The following PPP3R1 variants were observed in gnomAD, a reference collection of about 807,000 sequenced individuals.
PPP3R1 encodes the protein calcineurin subunit B type 1.
In PPP3R1, 5 loss-of-function variants were observed where a neutral mutation model predicts 22.6. The ratio of observed to expected loss-of-function variants is 0.22; its 90% confidence interval spans 0.12 to 0.46. The LOEUF (loss-of-function observed/expected upper bound fraction) is 0.46, where lower values mean the gene tolerates loss of function less well. Among genes scored for constraint, PPP3R1 ranks in the 20% least tolerant of loss-of-function variants. PPP3R1 has a pLI of 0.99. For synonymous variants in PPP3R1, 56 were observed against 65.2 expected (o/e 0.86, Z 0.68); for missense variants, 61 against 203.2 (o/e 0.30, Z 4.25).
rs938934327 is a variant in PPP3R1 at position 68,187,390 on chromosome 2, C to T, written c.221-76G>A. 24 of 1,241,166 alleles carry T rather than the reference C, an allele frequency of 1.9e-5. No individual in the cohort carries two copies. In the African/African-American group the frequency reaches 3.3e-4, roughly 17 times the overall value. 76.9% of individuals were successfully genotyped at this position (1,241,166 alleles called of 1,614,324 possible). A position where few individuals can be genotyped will look rare whatever the true frequency, so the allele number is the denominator to read the frequency against. Reference sequence around the variant, plus strand: ...CAAAAAACATATTTACCTTACATACCCACAAAAGGATATTTCCTTGCTGCA... The same window carrying T: ...CAAAAAACATATTTACCTTACATACTCACAAAAGGATATTTCCTTGCTGCA... On this transcript the variant is annotated intron_variant, in intron 3 of 5. Transcript: ENST00000234310.
At chr2:68,236,847 G>C (rs1234105000) in intron 1 of PPP3R1, among the ~76,000 whole-genome samples, 1 of 151,978 alleles carries the variant, frequency 6.6e-6, no homozygotes, top group Non-Finnish European at 1.5e-5. Flanking sequence ...TGAGACCTAA[G>C]GAAAAACCTC....
chr2:68,181,063 T>C, intron 5 of PPP3R1, 53 bp from the exon 6 acceptor site: 1 of 1,539,450 alleles, frequency 6.5e-7, no homozygotes, highest in Non-Finnish European at 9.0e-7. Context: ...AACTCCTCAT[T>C]CGTGGTCTAA....
rs376489610 is a variant in PPP3R1 at position 68,181,389 on chromosome 2, T to C, written c.466-379A>G. On this transcript the variant is annotated intron_variant, in intron 5 of 5. Transcript: ENST00000234310. The stretch of plus-strand genomic sequence containing the variant: ...GACTGGGCAACAGAGCGAGACTCCA[T>C]CTCAAAAAAAAAAAAAAAAAATTAC... Among the ~76,000 whole-genome samples the C allele has an allele frequency of 6.5e-5, 8 of 123,102 alleles. No individual in the cohort carries two copies. The East Asian group carries it at 1.1e-3, about 16-fold the overall frequency. The allele number at this position is 123,102 out of a possible 152,430, so 80.8% of individuals were successfully genotyped here. A position where few individuals can be genotyped will look rare whatever the true frequency, so the allele number is the denominator to read the frequency against.
intron 2 of PPP3R1, among the ~76,000 whole-genome samples, chr2:68,214,994 T>A (rs2103767944): frequency 6.6e-6 from 1 of 152,216 alleles, no homozygotes; most frequent in East Asian, 1.9e-4. Context: ...GCAACACGGA[T>A]GCAGCCGGAA....
At chr2:68,185,791 ACT>A (rs1485585420) in intron 5 of PPP3R1, among the ~76,000 whole-genome samples, 2 of 151,358 alleles carry the variant, frequency 1.3e-5, no homozygotes, top group East Asian at 3.9e-4. Flanking sequence ...AACCCATCTA[ACT>A]CTTCCAAAAA....
chr2:68,231,369 T>C lies in PPP3R1; in HGVS notation c.4-14238A>G, dbSNP rs76318797. Among the ~76,000 whole-genome samples the C allele has an allele frequency of 5.7e-3, 875 of 152,324 alleles. 15 individuals carry two copies. The highest frequency in any genetic ancestry group is 0.02 in the African/African-American group (846 of 41,586). ...TTCTTTGCTGAAGTTTTCTTTCTTT[T>C]TTTTTTCCTGTTTCATGTACGTCAG... On this transcript the variant is annotated intron_variant, in intron 1 of 5. Transcript: ENST00000234310.
At chr2:68,214,459 G>T (rs1222578275) in intron 2 of PPP3R1, among the ~76,000 whole-genome samples, 1 of 152,114 alleles carries the variant, frequency 6.6e-6, no homozygotes, top group Admixed American at 6.5e-5. Context: ...CCATTAAAAA[G>T]TGGGTAAAGG....
At chr2:68,251,016 A>C (rs1670337829) in intron 1 of PPP3R1, 1 of 152,272 alleles carries the variant, frequency 6.6e-6, no homozygotes, top group Non-Finnish European at 1.5e-5. Flanking sequence ...GTCTTCTGAC[A>C]ACTGTTCAAA....
At chr2:68,218,125 A>G (rs957279189) in intron 1 of PPP3R1, among the ~76,000 whole-genome samples, 3 of 152,178 alleles carry the variant, frequency 2.0e-5, no homozygotes, top group South Asian at 2.1e-4. Context: ...CCTATATTCT[A>G]TTTATCTAAC....
intron 1 of PPP3R1, among the ~76,000 whole-genome samples, chr2:68,245,996 C>A (rs1338064168): frequency 6.7e-6 from 1 of 150,262 alleles, no homozygotes; most frequent in Non-Finnish European, 1.5e-5. Flanking sequence ...ATAATCCTGT[C>A]TTTTCTCTTT....
intron 1 of PPP3R1, among the ~76,000 whole-genome samples, chr2:68,225,060 G>T (rs1392161677): frequency 6.6e-6 from 1 of 152,226 alleles, no homozygotes; most frequent in Non-Finnish European, 1.5e-5. Context: ...TGTAACTGAA[G>T]ATGTGGAATA....
chr2:68,188,505 C>A lies in PPP3R1; in HGVS notation c.220+9G>T. On this transcript the variant is annotated intron_variant, in intron 3 of 5. Coordinates refer to ENST00000234310, the MANE Select transcript of PPP3R1 (RefSeq NM_000945.4). ...AACTTGTGGTTATAAAAAATAACTA[C>A]TTTCTTACCTTTAAAGTCTACTTCT... 1 of 1,561,402 alleles carries A rather than the reference C, an allele frequency of 6.4e-7. No homozygotes were observed. Among genetic ancestry groups the A allele is most frequent in the Admixed American group, 1.9e-5 (1 of 52,476 alleles).
chr2:68,217,480 C>G (rs1359291337), intron 1 of PPP3R1, among the ~76,000 whole-genome samples: 1 of 152,084 alleles, frequency 6.6e-6, no homozygotes, highest in African/African-American at 2.4e-5. Context: ...GCTGGGTGAA[C>G]TGATTTTGCA....
intron 2 of PPP3R1, among the ~76,000 whole-genome samples, chr2:68,198,724 A>C: frequency 6.6e-6 from 1 of 152,128 alleles, no homozygotes; most frequent in African/African-American, 2.4e-5. Context: ...AATCTTGTTA[A>C]GAATTTGATT....
At chr2:68,198,393 GTA>G (rs200437946) in intron 2 of PPP3R1, among the ~76,000 whole-genome samples, 1,257 of 77,918 alleles carry the variant, frequency 0.016, 40 homozygotes, top group Non-Finnish European at 0.018. Context: ...GCATATATAT[GTA>G]TATATATGTG....
chr2:68,191,736 A>T (rs10191352), intron 2 of PPP3R1, among the ~76,000 whole-genome samples: 113,357 of 152,114 alleles, frequency 0.75, 43,297 homozygotes, highest in African/African-American at 0.93. Flanking sequence ...GATAAAAAAG[A>T]TCATATAAGC....
intron 1 of PPP3R1, among the ~76,000 whole-genome samples, chr2:68,251,890 A>G (rs1450559413): frequency 1.1e-5 from 1 of 93,170 alleles, no homozygotes. Context: ...CGAGCAGCAG[A>G]GGGGCGCCCC....
chr2:68,235,651 T>C (rs1463206801), intron 1 of PPP3R1, among the ~76,000 whole-genome samples: 1 of 152,224 alleles, frequency 6.6e-6, no homozygotes, highest in Non-Finnish European at 1.5e-5. Flanking sequence ...TGAATAATGT[T>C]ATTATGAACA....
At position 68,182,079 on chromosome 2, in the gene PPP3R1, C is replaced by G. The variant is rs1473258520; in HGVS notation, c.466-1069G>C. On this transcript the variant is annotated intron_variant, in intron 5 of 5. Coordinates refer to ENST00000234310, the MANE Select transcript of PPP3R1 (RefSeq NM_000945.4). ...ACATCTCCCCTCCTCCAACCCCCCC[C>G]TCCCCCCACCACACACACACGACCA... Among the ~76,000 whole-genome samples, 3 of 37,534 alleles carry G rather than the reference C, an allele frequency of 8.0e-5. 1 individual carries two copies. The highest frequency in any genetic ancestry group is 2.1e-4 in the African/African-American group (1 of 4,782). 24.6% of individuals were successfully genotyped at this position (37,534 alleles called of 152,430 possible).
Sources: gnomAD v4.1 joint callset for allele counts (sites outside exome capture counted in the v4.1 genomes callset) on GRCh38, gnomAD v4.1.1 for gene constraint, MANE v1.5 for transcripts, NCBI Gene and HGNC (gene_info 2026-07-23, HGNC 2026-07-21) for gene names.